Variants in GALNT18 observed in about 807,000 individuals in gnomAD.
GALNT18 encodes the protein GalNAc-transferase 18.
In GALNT18, 44 loss-of-function variants were observed where a neutral mutation model predicts 69.5. The ratio of observed to expected loss-of-function variants is 0.63; its 90% CI spans 0.50 to 0.81. The LOEUF is 0.81. Among genes scored for constraint, GALNT18 ranks in the 40% least tolerant of loss-of-function variants. The pLI is 0.00. For synonymous variants in GALNT18, 364 were observed against 318.2 expected (o/e 1.14, Z -1.53); for missense variants, 715 against 810.0 (o/e 0.88, Z 1.42).
Position 11,337,406 on chromosome 11 carries a change from G to C in GALNT18, c.1278+3413C>G, listed in dbSNP as rs978250689. Among the ~76,000 whole-genome samples the C allele has an allele frequency of 6.6e-6, 1 of 152,138 alleles. No individual in the cohort carries two copies. The highest frequency in any genetic ancestry group is 2.4e-5 in the African/African-American group (1 of 41,430). On this transcript the variant is annotated intron_variant, in intron 7 of 10. Coordinates refer to ENST00000227756, the MANE Select transcript of GALNT18 (RefSeq NM_198516.3). The surrounding 1 kb of genome is among the most constrained non-coding windows in gnomAD (Gnocchi z 4.9). ...TGTGGTGGTTCTCAGTGGTTCTGAA[G>C]AACTTTCCCAAAAAACAGATCCCAG...
intron 1 of GALNT18, among the ~76,000 whole-genome samples, chr11:11,534,932 G>A (rs964152245): frequency 2.0e-5 from 3 of 152,236 alleles, no homozygotes; most frequent in Non-Finnish European, 4.4e-5. Context: ...GGAGGAAAAC[G>A]GCACAATGCA....
intron 1 of GALNT18, among the ~76,000 whole-genome samples, chr11:11,612,783 A>G (rs527664733): frequency 2.6e-5 from 4 of 152,350 alleles, no homozygotes; most frequent in South Asian, 4.1e-4. Flanking sequence ...ACTGGCCACA[A>G]GCCTCCTTGT....
At chr11:11,297,528 C>G (rs1230557275) in intron 9 of GALNT18, among the ~76,000 whole-genome samples, 2 of 152,198 alleles carry the variant, frequency 1.3e-5, no homozygotes, top group Non-Finnish European at 2.9e-5. Flanking sequence ...CACTCCAGCT[C>G]CAGCCTCCAG....
intron 2 of GALNT18, among the ~76,000 whole-genome samples, chr11:11,443,405 A>G (rs1338524577): frequency 6.6e-6 from 1 of 152,186 alleles, no homozygotes; most frequent in African/African-American, 2.4e-5. Context: ...AGTAAAATGC[A>G]CAGAGCTTCA....
rs1849720900 is a variant in GALNT18 at position 11,314,638 on chromosome 11, G to T, written c.1512+12448C>A. Among the ~76,000 whole-genome samples the T allele has an allele frequency of 6.6e-6, 1 of 152,158 alleles. No individual in the cohort carries two copies. The highest frequency in any genetic ancestry group is 6.5e-5 in the Admixed American group (1 of 15,282). On this transcript the variant is annotated intron_variant, in intron 9 of 10. Transcript: ENST00000227756. The surrounding 1 kb of genome is among the most constrained non-coding windows in gnomAD (Gnocchi z 5.2). The stretch of plus-strand genomic sequence containing the variant: ...AAGCAGGGTGGGAAGCTGGCTGGGT[G>T]CTCACCTCACCCAGAGAATGGGCAC...
chr11:11,431,272 G>A, intron 3 of GALNT18, among the ~76,000 whole-genome samples: 1 of 152,042 alleles, frequency 6.6e-6, no homozygotes, highest in East Asian at 1.9e-4. Flanking sequence ...AGGAGGATCA[G>A]CAGGCCTAGG....
Position 11,314,811 on chromosome 11 carries a change from T to C in GALNT18, c.1512+12275A>G, listed in dbSNP as rs1849723646. 6.6e-6 allele frequency among the ~76,000 whole-genome samples: 1 copy of C among 152,092 alleles called. No individual in the cohort carries two copies. The highest frequency in any genetic ancestry group is 2.1e-4 in the South Asian group (1 of 4,822). ...AAGCAGCGCTGCTGGGTGGTAGCCC[T>C]CCTCTTCCCAGCCTTCGCCGTGGGA... On this transcript the variant is annotated intron_variant, in intron 9 of 10. Coordinates refer to ENST00000227756, the MANE Select transcript of GALNT18 (RefSeq NM_198516.3). This position sits in a 1 kb window ranked among gnomAD's most constrained non-coding sequence, Gnocchi z 5.2.
At chr11:11,610,469 CATTA>C (rs1461883404) in intron 1 of GALNT18, among the ~76,000 whole-genome samples, 1 of 152,204 alleles carries the variant, frequency 6.6e-6, no homozygotes, top group African/African-American at 2.4e-5. Flanking sequence ...GCTCAGCAAA[CATTA>C]ATTCTCTTCC....
intron 1 of GALNT18, among the ~76,000 whole-genome samples, chr11:11,567,185 T>C (rs980739025): frequency 6.6e-6 from 1 of 152,202 alleles, no homozygotes; most frequent in Non-Finnish European, 1.5e-5. Context: ...CCTGGAAGCC[T>C]ATAGGTGATT....
In GALNT18 at chr11:11,602,768, A is replaced by G. The variant is rs1859661890; in HGVS notation, c.235+18591T>C. ...CCCCCTGTGATTTGCACTGCAAAAA[A>G]AGAGAGAATCATTTAGAGAACAGCT... On this transcript the variant is annotated intron_variant, in intron 1 of 10. Transcript: ENST00000227756. This position sits in a 1 kb window ranked among gnomAD's most constrained non-coding sequence, Gnocchi z 4.7. Among the ~76,000 whole-genome samples the G allele has an allele frequency of 6.6e-6, 1 of 152,178 alleles. No homozygotes were observed. Among genetic ancestry groups the G allele is most frequent in the African/African-American group, 2.4e-5 (1 of 41,428 alleles).
chr11:11,426,165 A>G (rs1205828179), intron 3 of GALNT18, among the ~76,000 whole-genome samples: 1 of 152,172 alleles, frequency 6.6e-6, no homozygotes, highest in East Asian at 1.9e-4. Context: ...CTCAGGGTTG[A>G]TCATCTGACT....
intron 3 of GALNT18, among the ~76,000 whole-genome samples, chr11:11,427,163 C>G (rs1482023370): frequency 6.6e-6 from 1 of 152,148 alleles, no homozygotes; most frequent in Non-Finnish European, 1.5e-5. Context: ...TCGGAGCCAG[C>G]CCCTGAAAAA....
In GALNT18 at chr11:11,621,730, CCCGGT is replaced by C; in HGVS notation, c.-142_-138del. On this transcript the variant is annotated 5_prime_UTR_variant, in exon 1 of 11. Coordinates refer to ENST00000227756, the MANE Select transcript of GALNT18 (RefSeq NM_198516.3). The surrounding 1 kb of genome is among the most constrained non-coding windows in gnomAD (Gnocchi z 9.3). ...ACCTGAGTCCCGAGGTTCTCCAAAG[CCCGGT>C]CCGCTGCCGGTGTAGCCGCCGTGCC... The C allele has an allele frequency of 1.5e-6, 1 of 647,512 alleles. No individual in the cohort carries two copies. Among genetic ancestry groups the C allele is most frequent in the East Asian group, 2.8e-5 (1 of 36,144 alleles). 40.1% of individuals were successfully genotyped at this position (647,512 alleles called of 1,614,324 possible). A position where few individuals can be genotyped will look rare whatever the true frequency, so the allele number is the denominator to read the frequency against.
At chr11:11,611,715 G>C (rs1445842702) in intron 1 of GALNT18, among the ~76,000 whole-genome samples, 1 of 152,198 alleles carries the variant, frequency 6.6e-6, no homozygotes, top group African/African-American at 2.4e-5. Context: ...ACTCAGCCCG[G>C]TGCCTGGGAC....
At position 11,339,847 on chromosome 11, in the gene GALNT18, A is replaced by T. The variant is rs1194329896; in HGVS notation, c.1278+972T>A. On this transcript the variant is annotated intron_variant, in intron 7 of 10. Coordinates refer to ENST00000227756, the MANE Select transcript of GALNT18 (RefSeq NM_198516.3). The surrounding 1 kb of genome is among the most constrained non-coding windows in gnomAD (Gnocchi z 5.2). ...ACCAGTCAACTTCCTCAATCATTTA[A>T]CCAGAGCAACATTAGCTTGGTGTAG... Among the ~76,000 whole-genome samples, 2 of 152,174 alleles carry T rather than the reference A, an allele frequency of 1.3e-5. No homozygotes were observed. The highest frequency in any genetic ancestry group is 4.8e-5 in the African/African-American group (2 of 41,438).
chr11:11,468,877 G>C (rs78110394), intron 1 of GALNT18, among the ~76,000 whole-genome samples: 2 of 152,164 alleles, frequency 1.3e-5, no homozygotes, highest in Non-Finnish European at 2.9e-5. Flanking sequence ...AGTCCAACAG[G>C]CTCCCTGCCT....
chr11:11,594,916 C>CGT (rs34880134), intron 1 of GALNT18, among the ~76,000 whole-genome samples: 5 of 139,904 alleles, frequency 3.6e-5, no homozygotes, highest in Non-Finnish European at 6.1e-5. Flanking sequence ...ACAAAATATG[C>CGT]GTGTGTGTAT....
rs552061042 is a variant in GALNT18 at position 11,484,000 on chromosome 11, C to A, written c.236-35064G>T. Reference sequence around the variant, plus strand: ...TGGGACATGGGGGTCCAATGTGTAACCCCCTCCCCGGAAGGACACAGCACC... The same window carrying A: ...TGGGACATGGGGGTCCAATGTGTAAACCCCTCCCCGGAAGGACACAGCACC... On this transcript the variant is annotated intron_variant, in intron 1 of 10. Coordinates refer to ENST00000227756, the MANE Select transcript of GALNT18 (RefSeq NM_198516.3). Among the ~76,000 whole-genome samples, 15 of 152,238 alleles carry A rather than the reference C, an allele frequency of 9.9e-5. No homozygotes were observed. The South Asian group carries it at 3.1e-3, about 32-fold the overall frequency.
rs1854087477 is a variant in GALNT18 at position 11,387,620 on chromosome 11, C to T, written c.596-8356G>A. Among the ~76,000 whole-genome samples the T allele has an allele frequency of 6.6e-6, 1 of 152,228 alleles. No homozygotes were observed. Among genetic ancestry groups the T allele is most frequent in the Non-Finnish European group, 1.5e-5 (1 of 68,040 alleles). On this transcript the variant is annotated intron_variant, in intron 3 of 10. Transcript: ENST00000227756. The surrounding 1 kb of genome is among the most constrained non-coding windows in gnomAD (Gnocchi z 4.6). ...CTGAAGCCATTTAGGGCCATTGAAA[C>T]ACAAATGCTATGTCAACACATTTTA... is the stretch of plus-strand genomic sequence containing the variant.
Sources: allele counts gnomAD v4.1 joint callset (sites outside exome capture counted in the v4.1 genomes callset), GRCh38; gene constraint gnomAD v4.1.1; non-coding constraint Gnocchi (gnomAD v3.1); transcripts MANE v1.5; gene names NCBI Gene and HGNC (gene_info 2026-07-23, HGNC 2026-07-21).